SLC35G1: variants seen among roughly 807,000 people sequenced by gnomAD.
SLC35G1 encodes the protein partner of STIM1.
SLC35G1 carries 10 observed loss-of-function variants against 17.1 expected under a neutral mutation model. That is an observed-to-expected ratio of 0.59 (90% confidence interval 0.36 to 0.99). The LOEUF (loss-of-function observed/expected upper bound fraction) is 0.99, where lower values mean the gene tolerates loss of function less well. SLC35G1 is among the 50% of genes least tolerant of loss of function. The pLI, the probability that SLC35G1 is intolerant of heterozygous loss-of-function variation, is 0.01. For missense variants in SLC35G1, 433 were observed against 468.4 expected, an observed-to-expected ratio of 0.92 and a Z score of 0.70; for synonymous variants, 185 against 181.1, an observed-to-expected ratio of 1.02 and a Z score of -0.18.
chr10:93,894,010 C>T lies in SLC35G1; in HGVS notation c.-24C>T, dbSNP rs556867957. 5.3e-4 allele frequency: 719 copies of T among 1,369,396 alleles called. No homozygotes were observed. Among genetic ancestry groups the T allele is most frequent in the Non-Finnish European group, 6.5e-4 (692 of 1,066,810 alleles). The allele number at this position is 1,369,396 out of a possible 1,614,324, so 84.8% of individuals were successfully genotyped here. The stretch of plus-strand genomic sequence containing the variant: ...GCTGCTGGCGCCAGACGGCACCGGC[C>T]GCTGGTAGAGCGCGTGCCGCGAGAT... On this transcript the variant is annotated 5_prime_UTR_variant, in exon 1 of 3. Transcript: ENST00000427197.
At chr10:93,894,477 G>A (rs2060310779) in intron 1 of SLC35G1, among the ~76,000 whole-genome samples, 1 of 152,246 alleles carries the variant, frequency 6.6e-6, no homozygotes, top group South Asian at 2.1e-4. Context: ...TTAGTGTCGG[G>A]GCAGGGCTGT....
At position 93,894,087 on chromosome 10, in the gene SLC35G1, G is replaced by A. The variant is rs1395149077; in HGVS notation, c.54G>A (p.Pro18=). Residue 18 remains proline (P), a synonymous_variant, in exon 1 of 3, where the codon CCG becomes CCA. Coordinates refer to ENST00000427197, the MANE Select transcript of SLC35G1 (RefSeq NM_001134658.3). ...CGGAGCTCCAGGAGCCCGGGCTGCC[G>A]CTAACGGACGATGCACCCCCGGGCG... The part of the protein sequence containing the change: ...GVAELQEPGL[P]LTDDAPPGAT... The A allele has an allele frequency of 1.4e-5, 21 of 1,486,518 alleles. No homozygotes were observed. The highest frequency in any genetic ancestry group is 2.3e-5 in the Admixed American group (1 of 44,370). The allele number at this position is 1,486,518 out of a possible 1,614,324, so 92.1% of individuals were successfully genotyped here. A position where few individuals can be genotyped will look rare whatever the true frequency, so the allele number is the denominator to read the frequency against.
chr10:93,894,634 C>A (rs2060312802), intron 1 of SLC35G1, among the ~76,000 whole-genome samples: 1 of 152,094 alleles, frequency 6.6e-6, no homozygotes. Context: ...GAAAAGGAAG[C>A]TGAAAAGCAT....
intron 1 of SLC35G1, among the ~76,000 whole-genome samples, chr10:93,894,939 G>T (rs1466864173): frequency 6.6e-6 from 1 of 152,182 alleles, no homozygotes; most frequent in East Asian, 1.9e-4. Flanking sequence ...ACGTGGGGGT[G>T]AGATGGGGCG....
chr10:93,894,303 C>T, intron 1 of SLC35G1, 92 bp downstream of exon 1: 1 of 1,189,280 alleles, frequency 8.4e-7, no homozygotes, highest in Non-Finnish European at 1.1e-6. Context: ...GGGCACAGTG[C>T]CCGCCGCGCC....
At position 93,901,478 on chromosome 10, in the gene SLC35G1, A is replaced by T; in HGVS notation, c.1086A>T (p.Gln362His). 3 of 1,588,614 alleles carry T rather than the reference A, an allele frequency of 1.9e-6. No individual in the cohort carries two copies. Among genetic ancestry groups the T allele is most frequent in the Middle Eastern group, 3.4e-4 (2 of 5,906 alleles). Reference protein sequence around the residue: ...NVGAAIRKWYQSSK With the variant: ...NVGAAIRKWYHSSK ...GAGCGGCCATTCGTAAATGGTACCAAAGTTCCAAATGAAGCATCATTGCTG... is the reference window on the plus strand; with the variant it reads ...GAGCGGCCATTCGTAAATGGTACCATAGTTCCAAATGAAGCATCATTGCTG... The change falls in exon 3 of 3, where the codon CAA becomes CAT. Residue 362 changes from glutamine (Q) to histidine (H), a missense_variant. Gln to His is a conservative substitution (Grantham distance 24). Transcript: ENST00000427197.
At chr10:93,894,266 G>C in intron 1 of SLC35G1, 55 bp downstream of exon 1, 3 of 1,297,180 alleles carry the variant, frequency 2.3e-6, no homozygotes, top group South Asian at 4.4e-5. Context: ...CCGAGCGGGC[G>C]CCGGCGGGTT....
chr10:93,901,100 A>T lies in SLC35G1; in HGVS notation c.708A>T (p.Ala236=), dbSNP rs2060379950. The part of the protein sequence containing the change: ...FAAIGSAVFA[A]STLVILRKMG... Reference sequence around the variant, plus strand: ...CAATTGGAAGTGCCGTATTTGCTGCATCGACTCTAGTTATCCTAAGAAAAA... The same window carrying T: ...CAATTGGAAGTGCCGTATTTGCTGCTTCGACTCTAGTTATCCTAAGAAAAA... Residue 236 remains alanine (A), a synonymous_variant, in exon 3 of 3, where the codon GCA becomes GCT. Coordinates refer to ENST00000427197, the MANE Select transcript of SLC35G1 (RefSeq NM_001134658.3). The T allele has an allele frequency of 2.5e-6, 4 of 1,614,142 alleles. No homozygotes were observed. Among genetic ancestry groups the T allele is most frequent in the Non-Finnish European group, 3.4e-6 (4 of 1,179,976 alleles).
Position 93,894,185 on chromosome 10 carries a change from C to T in SLC35G1, c.152C>T (p.Ser51Leu), listed in dbSNP as rs771072178. 18 of 1,441,622 alleles carry T rather than the reference C, an allele frequency of 1.2e-5. No individual in the cohort carries two copies. Among genetic ancestry groups the T allele is most frequent in the East Asian group, 3.0e-5 (1 of 33,230 alleles). 89.3% of individuals were successfully genotyped at this position (1,441,622 alleles called of 1,614,324 possible). ...GGTAGGTGCTGGCTCTGCCTTTCCT[C>T]GCCGTGTTGCTCCCGCACCGAGCCG... is the stretch of plus-strand genomic sequence containing the variant. ...DRGRCWLCLS[S>L]PCCSRTEPEA... is the part of the protein sequence containing the mutation. The change falls in exon 1 of 3, where the codon TCG becomes TTG. Residue 51 changes from serine (S) to leucine (L), a missense_variant. Transcript: ENST00000427197.
downstream of SLC35G1, chr10:93,906,949 G>C (rs1337340878): frequency 2.6e-5 from 4 of 152,162 alleles, no homozygotes; most frequent in Non-Finnish European, 5.9e-5. Context: ...CTTGAATGCA[G>C]AAGCAGATAG....
Position 93,898,286 on chromosome 10 carries a change from G to A in SLC35G1, c.179-285G>A, listed in dbSNP as rs77538804. ...GATTTCTCTCACCATCTTGGCAAGC[G>A]TTCTACTTCTTGACTTGTAAGTGAG... On this transcript the variant is annotated intron_variant, in intron 1 of 2. Transcript: ENST00000427197. Among the ~76,000 whole-genome samples the A allele has an allele frequency of 9.2e-3, 1,397 of 152,252 alleles. 21 individuals are homozygous for A. Among genetic ancestry groups the A allele is most frequent in the African/African-American group, 0.031 (1,275 of 41,548 alleles).
chr10:93,899,644 A>G (rs2060363566), intron 2 of SLC35G1, among the ~76,000 whole-genome samples: 1 of 152,224 alleles, frequency 6.6e-6, no homozygotes, highest in Admixed American at 6.5e-5. Flanking sequence ...GGATTCACTT[A>G]GAATAGTTTC....
At chr10:93,895,760 A>G (rs1224740419) in intron 1 of SLC35G1, among the ~76,000 whole-genome samples, 2 of 152,210 alleles carry the variant, frequency 1.3e-5, no homozygotes, top group Admixed American at 1.3e-4. Context: ...TATGTCTTAC[A>G]TTCTTGGATG....
rs368046634 is a variant in SLC35G1 at position 93,901,004 on chromosome 10, A to C, written c.612A>C (p.Pro204=). 4.3e-6 allele frequency: 7 copies of C among 1,613,892 alleles called. No homozygotes were observed. Among genetic ancestry groups the C allele is most frequent in the Non-Finnish European group, 5.9e-6 (7 of 1,179,978 alleles). The change falls in exon 3 of 3, where the codon CCA becomes CCC. Residue 204 remains proline (P), a synonymous_variant. Transcript: ENST00000427197. ...ITGVILIVRP[P]FLFGSDTSGM... is the part of the protein sequence containing the mutation. ...GAGTGATCCTTATCGTGAGACCACCATTTTTGTTTGGTTCCGACACTTCGG... is the reference window on the plus strand; with the variant it reads ...GAGTGATCCTTATCGTGAGACCACCCTTTTTGTTTGGTTCCGACACTTCGG...
At chr10:93,897,313 T>C (rs965740267) in intron 1 of SLC35G1, among the ~76,000 whole-genome samples, 2 of 152,194 alleles carry the variant, frequency 1.3e-5, no homozygotes, top group African/African-American at 4.8e-5. Flanking sequence ...GATGTGTAAA[T>C]GTGTTACCTG....
chr10:93,896,057 C>G (rs914563907), intron 1 of SLC35G1, among the ~76,000 whole-genome samples: 2 of 151,322 alleles, frequency 1.3e-5, no homozygotes, highest in Non-Finnish European at 2.9e-5. Context: ...TTGGCGTGAT[C>G]ACAGCTCACG....
rs911381741 is a variant in SLC35G1, at chr10:93,903,290, T to G, written c.*1800T>G. Reference sequence around the variant, plus strand: ...TCATTCTGCAAATATCTTAGATAATTACAGAATCAGGAGCATTTGAGAACT... The same window carrying G: ...TCATTCTGCAAATATCTTAGATAATGACAGAATCAGGAGCATTTGAGAACT... On this transcript the variant is annotated 3_prime_UTR_variant, in exon 3 of 3. Transcript: ENST00000427197. 7.2e-5 allele frequency: 11 copies of G among 152,184 alleles called. No homozygotes were observed. Among genetic ancestry groups the G allele is most frequent in the African/African-American group, 2.7e-4 (11 of 41,444 alleles). 9.4% of individuals were successfully genotyped at this position (152,184 alleles called of 1,614,324 possible). A position where few individuals can be genotyped will look rare whatever the true frequency, so the allele number is the denominator to read the frequency against.
At position 93,901,607 on chromosome 10, in the gene SLC35G1, C is replaced by A; in HGVS notation, c.*117C>A. ...TTCATTGGTTGTATTTAATAAATTG[C>A]CTAAAGTACCATTTTTGAATATAGT... On this transcript the variant is annotated 3_prime_UTR_variant, in exon 3 of 3. Transcript: ENST00000427197. 1.7e-6 allele frequency: 2 copies of A among 1,172,118 alleles called. No individual in the cohort carries two copies. Among genetic ancestry groups the A allele is most frequent in the Non-Finnish European group, 2.3e-6 (2 of 878,420 alleles). 72.6% of individuals were successfully genotyped at this position (1,172,118 alleles called of 1,614,324 possible).
At chr10:93,908,139 G>A (rs771978033), downstream of SLC35G1, 2 of 152,180 alleles carry the variant, frequency 1.3e-5, no homozygotes, top group African/African-American at 4.8e-5. Context: ...CCTAGAAAGC[G>A]TTGTGTGGCC....
Sources: gnomAD v4.1 joint callset for allele counts (sites outside exome capture counted in the v4.1 genomes callset) on GRCh38, gnomAD v4.1.1 for gene constraint, MANE v1.5 for transcripts, NCBI Gene and HGNC (gene_info 2026-07-23, HGNC 2026-07-21) for gene names.